The following ST3GAL3 variants were observed in gnomAD, a reference collection of about 807,000 sequenced individuals.
The protein encoded by ST3GAL3 is CMP-N-acetylneuraminate-beta-1,4-galactoside alpha-2,3-sialyltransferase.
Under a neutral mutation model 50.1 loss-of-function variants are expected in ST3GAL3, and 21 were observed. The observed-to-expected ratio is 0.42, with a 90% CI of 0.30 to 0.60. ST3GAL3 has a LOEUF of 0.60. ST3GAL3 is among the 20% of genes least tolerant of loss of function. ST3GAL3 has a pLI of 0.19. For synonymous variants in ST3GAL3, 183 were observed against 190.0 expected (o/e 0.96, Z 0.30); for missense variants, 353 against 489.4 (o/e 0.72, Z 2.63).
In ST3GAL3 at chr1:43,882,455, T is replaced by C. The variant is rs12066540; in HGVS notation, c.303-11928T>C. 1.6e-3 allele frequency among the ~76,000 whole-genome samples: 246 copies of C among 152,252 alleles called. 2 individuals are homozygous for C. Among genetic ancestry groups the C allele is most frequent in the African/African-American group, 5.5e-3 (229 of 41,544 alleles). ...CAGTTGCAGTTGGTAATATCCCATGTCAAATGAATTCAAGCAAAAAGGAAA... is the reference window on the plus strand; with the variant it reads ...CAGTTGCAGTTGGTAATATCCCATGCCAAATGAATTCAAGCAAAAAGGAAA... On this transcript the variant is annotated intron_variant, in intron 5 of 11. Transcript: ENST00000347631.
At chr1:43,917,590 T>TA (rs1339470050) in intron 9 of ST3GAL3, among the ~76,000 whole-genome samples, 18 of 45,076 alleles carry the variant, frequency 4.0e-4, no homozygotes, top group African/African-American at 1.2e-3. Flanking sequence ...ACGTATTATA[T>TA]ATAATATATA....
intron 9 of ST3GAL3, among the ~76,000 whole-genome samples, chr1:43,903,129 C>T (rs756363877): frequency 4.6e-5 from 7 of 152,184 alleles, no homozygotes; most frequent in Non-Finnish European, 8.8e-5. Flanking sequence ...CAAGAGACCA[C>T]GCTCCCTTCA....
chr1:43,924,884 T>A (rs79215899), intron 11 of ST3GAL3, among the ~76,000 whole-genome samples: 2,498 of 152,296 alleles, frequency 0.016, 30 homozygotes, highest in African/African-American at 0.019. Flanking sequence ...TGGAGTCTTT[T>A]CATTTGCTTC....
chr1:43,863,292 G>A (rs2070462885), intron 5 of ST3GAL3, among the ~76,000 whole-genome samples: 1 of 152,174 alleles, frequency 6.6e-6, no homozygotes, highest in African/African-American at 2.4e-5. Flanking sequence ...TAAGTGTGGG[G>A]CTGTGGGGAG....
At chr1:43,893,554 G>T (rs557397992) in intron 5 of ST3GAL3, among the ~76,000 whole-genome samples, 2 of 151,916 alleles carry the variant, frequency 1.3e-5, no homozygotes, top group African/African-American at 4.8e-5. Flanking sequence ...TTCAGACTTC[G>T]TCTCCTCCTC....
At position 43,851,370 on chromosome 1, in the gene ST3GAL3, G is replaced by A; in HGVS notation, c.302+13059G>A. On this transcript the variant is annotated intron_variant, in intron 5 of 11. Transcript: ENST00000347631. The stretch of plus-strand genomic sequence containing the variant: ...ACCAGGGCAGTTACACTCAAAGTTT[G>A]CAGGGGAGCCTGAGCAAGGCTGGAC... The A allele has an allele frequency of 2.5e-6, 4 of 1,587,836 alleles. No individual in the cohort carries two copies. In the South Asian group the frequency reaches 3.3e-5, roughly 13 times the overall value.
intron 5 of ST3GAL3, 123 bp downstream of exon 5, chr1:43,838,434 G>T: frequency 2.1e-6 from 2 of 937,138 alleles, no homozygotes; most frequent in South Asian, 1.3e-5. Context: ...TTCCTGGAAA[G>T]GACTCTGCCT....
chr1:43,920,320 G>A, intron 9 of ST3GAL3, 84 bp from the exon 10 acceptor site: 1 of 1,576,788 alleles, frequency 6.3e-7, no homozygotes, highest in Non-Finnish European at 8.7e-7. Flanking sequence ...CCGCCTCACT[G>A]TCCCTACTTG....
chr1:43,868,034 AAAGT>A (rs1446741787), intron 5 of ST3GAL3, among the ~76,000 whole-genome samples: 1 of 152,364 alleles, frequency 6.6e-6, no homozygotes, highest in East Asian at 1.9e-4. Flanking sequence ...TGTACATACA[AAAGT>A]AATCATATCT....
intron 4 of ST3GAL3, among the ~76,000 whole-genome samples, chr1:43,822,418 A>AT (rs2062222248): frequency 6.6e-6 from 1 of 152,160 alleles, no homozygotes; most frequent in Admixed American, 6.5e-5. Flanking sequence ...TACAGTTGCC[A>AT]TGTGGGCAAG....
chr1:43,744,827 A>C (rs1230038780), intron 2 of ST3GAL3, among the ~76,000 whole-genome samples: 3 of 151,702 alleles, frequency 2.0e-5, no homozygotes, highest in African/African-American at 7.3e-5. Context: ...ATCTCTACTA[A>C]TAATAATACA....
chr1:43,756,100 C>CAAAAAAAAAAAAAAA (rs139101819), intron 2 of ST3GAL3, among the ~76,000 whole-genome samples: 1 of 72,102 alleles, frequency 1.4e-5, no homozygotes, highest in African/African-American at 7.3e-5. Flanking sequence ...GAACCAGTCT[C>CAAAAAAAAAAAAAAA]AAAAAAAAAA....
chr1:43,849,436 AGTTT>A (rs1250648566), intron 5 of ST3GAL3, among the ~76,000 whole-genome samples: 1 of 152,166 alleles, frequency 6.6e-6, no homozygotes, highest in Non-Finnish European at 1.5e-5. Flanking sequence ...TTAAGAAATT[AGTTT>A]GAGTTCAAAT....
intron 5 of ST3GAL3, among the ~76,000 whole-genome samples, chr1:43,881,698 A>G (rs1322427504): frequency 6.6e-6 from 1 of 151,316 alleles, no homozygotes; most frequent in Non-Finnish European, 1.5e-5. Context: ...CACACATGTC[A>G]TGCATGTGGC....
intron 1 of ST3GAL3, among the ~76,000 whole-genome samples, chr1:43,709,161 G>A (rs1663233269): frequency 6.6e-6 from 1 of 152,192 alleles, no homozygotes; most frequent in African/African-American, 2.4e-5. Flanking sequence ...AAGTGAGGAT[G>A]ACAAAGGTGC....
At chr1:43,713,833 G>A (rs1665986347) in intron 1 of ST3GAL3, among the ~76,000 whole-genome samples, 1 of 152,146 alleles carries the variant, frequency 6.6e-6, no homozygotes, top group Non-Finnish European at 1.5e-5. Flanking sequence ...ACTACGGCCA[G>A]CCACGTTGTG....
chr1:43,729,302 A>G (rs1674559573), intron 1 of ST3GAL3, among the ~76,000 whole-genome samples: 1 of 150,626 alleles, frequency 6.6e-6, no homozygotes, highest in Admixed American at 6.6e-5. Context: ...CTGGTCTCAA[A>G]CTCTTGGGCT....
At chr1:43,771,639 GAGCCACCGC>G (rs1283904319) in intron 2 of ST3GAL3, among the ~76,000 whole-genome samples, 1 of 152,146 alleles carries the variant, frequency 6.6e-6, no homozygotes, top group African/African-American at 2.4e-5. Flanking sequence ...TTACAGGCGT[GAGCCACCGC>G]GCCCGGCTGG....
At chr1:43,902,149 C>T (rs2078389577) in intron 9 of ST3GAL3, among the ~76,000 whole-genome samples, 1 of 152,220 alleles carries the variant, frequency 6.6e-6, no homozygotes, top group Non-Finnish European at 1.5e-5. Flanking sequence ...GCCCTAGTCA[C>T]CAGCTTGTCC....
Sources: allele counts gnomAD v4.1 joint callset (sites outside exome capture counted in the v4.1 genomes callset), GRCh38; gene constraint gnomAD v4.1.1; transcripts MANE v1.5; gene names NCBI Gene and HGNC (gene_info 2026-07-23, HGNC 2026-07-21).